Variants in HCN1 observed in about 807,000 individuals in gnomAD.
HCN1 encodes hyperpolarization activated cyclic nucleotide gated potassium channel 1.
Under a neutral mutation model 78.9 loss-of-function variants are expected in HCN1, and 13 were observed. The ratio of observed to expected loss-of-function variants is 0.16; its 90% CI spans 0.11 to 0.26. The LOEUF (loss-of-function observed/expected upper bound fraction) is 0.26. Among genes scored for constraint, HCN1 ranks in the 10% least tolerant of loss-of-function variants. The probability of loss-of-function intolerance (pLI) is 1.00; values close to 1 mark genes in which losing one functional copy is unlikely to be tolerated. For missense variants in HCN1, 810 were observed against 1,154.3 expected (o/e 0.70, Z 4.32); for synonymous variants, 552 against 455.5 (o/e 1.21, Z -2.70).
chr5:45,548,929 C>T (rs964783309), intron 2 of HCN1, among the ~76,000 whole-genome samples: 1 of 151,182 alleles, frequency 6.6e-6, no homozygotes, highest in Non-Finnish European at 1.5e-5. Flanking sequence ...CCTAGGAATC[C>T]AACTTACAAG....
chr5:45,422,801 A>G (rs1231031869), intron 3 of HCN1, among the ~76,000 whole-genome samples: 4 of 152,114 alleles, frequency 2.6e-5, no homozygotes, highest in Admixed American at 6.6e-5. Flanking sequence ...TGCAACTCAC[A>G]AAGTCATATA....
At chr5:45,503,765 C>A (rs199720228) in intron 2 of HCN1, among the ~76,000 whole-genome samples, 1 of 149,300 alleles carries the variant, frequency 6.7e-6, no homozygotes, top group African/African-American at 2.5e-5. Flanking sequence ...CCTCCCCCCA[C>A]GCCAACACAA....
chr5:45,502,999 ATAGT>A lies in HCN1; in HGVS notation c.850-40996_850-40993del, dbSNP rs571280608. 7.9e-5 allele frequency among the ~76,000 whole-genome samples: 12 copies of A among 152,332 alleles called. No homozygotes were observed. In the East Asian group the frequency reaches 2.3e-3, roughly 29 times the overall value. ...TATACATGTTATAAAATACAACACA[ATAGT>A]TAAAGTGAATAAACAAATAAATTAA... On this transcript the variant is annotated intron_variant, in intron 2 of 7. Coordinates refer to ENST00000303230, the MANE Select transcript of HCN1 (RefSeq NM_021072.4).
chr5:45,473,628 C>T (rs1741453413), intron 2 of HCN1, among the ~76,000 whole-genome samples: 1 of 151,244 alleles, frequency 6.6e-6, no homozygotes. Flanking sequence ...TAATTACCTC[C>T]TGTCTTCTTC....
intron 2 of HCN1, among the ~76,000 whole-genome samples, chr5:45,608,352 G>GGT (rs1239049493): frequency 5.1e-4 from 57 of 111,270 alleles, no homozygotes; most frequent in African/African-American, 1.3e-3. Context: ...GGGTAGGATG[G>GGT]GTGTATGTGT....
intron 3 of HCN1, among the ~76,000 whole-genome samples, chr5:45,404,629 T>C (rs1035214614): frequency 7.8e-6 from 1 of 128,258 alleles, no homozygotes; most frequent in Non-Finnish European, 1.6e-5. Flanking sequence ...TGAATGAAAA[T>C]ACTTTCTAGT....
intron 6 of HCN1, among the ~76,000 whole-genome samples, chr5:45,288,475 G>A (rs1452115689): frequency 2.6e-5 from 4 of 151,964 alleles, no homozygotes; most frequent in Admixed American, 6.6e-5. Context: ...TGTAGAAAGC[G>A]TCTGTCTTAA....
In HCN1 at chr5:45,606,218, A is replaced by G. The variant is rs1744724630; in HGVS notation, c.849+38967T>C. On this transcript the variant is annotated intron_variant, in intron 2 of 7. Coordinates refer to ENST00000303230, the MANE Select transcript of HCN1 (RefSeq NM_021072.4). ...TTGCATTAAACCTAGTGAAAAATAG[A>G]AAAAGAACAAACGATTTTTGTTTTA... Among the ~76,000 whole-genome samples, 3 of 152,040 alleles carry G rather than the reference A, an allele frequency of 2.0e-5. No individual in the cohort carries two copies. The South Asian group carries it at 6.2e-4, about 31-fold the overall frequency.
At chr5:45,424,850 C>G (rs144680792) in intron 3 of HCN1, among the ~76,000 whole-genome samples, 1 of 152,100 alleles carries the variant, frequency 6.6e-6, no homozygotes, top group Admixed American at 6.5e-5. Flanking sequence ...ATTCATTTCT[C>G]TCATACTGTG....
rs569793762 is a variant in HCN1 at position 45,339,234 on chromosome 5, T to A, written c.1377+13866A>T. Among the ~76,000 whole-genome samples the A allele has an allele frequency of 6.6e-4, 100 of 152,236 alleles. No individual in the cohort carries two copies. In the Middle Eastern group the frequency reaches 0.024, roughly 36 times the overall value. On this transcript the variant is annotated intron_variant, in intron 5 of 7. Transcript: ENST00000303230. ...ACAAGGATATTAAGCACAGCTCCTA[T>A]CCCCAAGAAGCTCATAGTCTTTAAA...
chr5:45,414,643 A>G (rs1017694708), intron 3 of HCN1, among the ~76,000 whole-genome samples: 3 of 152,044 alleles, frequency 2.0e-5, no homozygotes, highest in African/African-American at 7.2e-5. Flanking sequence ...GTTACCATTT[A>G]AATACTAAAT....
chr5:45,573,392 T>TAATA (rs1743872116), intron 2 of HCN1, among the ~76,000 whole-genome samples: 1 of 152,088 alleles, frequency 6.6e-6, no homozygotes, highest in South Asian at 2.1e-4. Context: ...ATCCCATTGC[T>TAATA]AATAGTGTCT....
intron 2 of HCN1, among the ~76,000 whole-genome samples, chr5:45,598,972 T>C (rs1278247754): frequency 6.6e-6 from 1 of 152,170 alleles, no homozygotes; most frequent in African/African-American, 2.4e-5. Context: ...GGTGGGAGTA[T>C]AAATTAGTTC....
rs1743358573 is a variant in HCN1, at chr5:45,551,065, T to C, written c.850-89058A>G. Reference sequence around the variant, plus strand: ...TAATAATTCACAAAATGACAACTCATTATCCCTATTCTTAAGGAAAACTCT... The same window carrying C: ...TAATAATTCACAAAATGACAACTCACTATCCCTATTCTTAAGGAAAACTCT... On this transcript the variant is annotated intron_variant, in intron 2 of 7. Transcript: ENST00000303230. 2.6e-5 allele frequency among the ~76,000 whole-genome samples: 4 copies of C among 152,116 alleles called. No homozygotes were observed. The South Asian group carries it at 8.3e-4, about 31-fold the overall frequency.
intron 4 of HCN1, among the ~76,000 whole-genome samples, chr5:45,380,091 C>T (rs1235873078): frequency 6.6e-6 from 1 of 151,996 alleles, no homozygotes; most frequent in Non-Finnish European, 1.5e-5. Flanking sequence ...AGAAGGGATA[C>T]TTTATAAAGA....
At chr5:45,346,285 A>G (rs183406516) in intron 5 of HCN1, among the ~76,000 whole-genome samples, 1 of 152,310 alleles carries the variant, frequency 6.6e-6, no homozygotes, top group Admixed American at 6.5e-5. Context: ...CTAAGACCAA[A>G]CCATAATTCA....
rs188809111 is a variant in HCN1 at position 45,428,667 on chromosome 5, C to A, written c.1012-31957G>T. On this transcript the variant is annotated intron_variant, in intron 3 of 7. Transcript: ENST00000303230. ...TGATTTGAACTGATTTAATATCTTT[C>A]ATTTATTATTAAATTAATGCATTGT... Among the ~76,000 whole-genome samples the A allele has an allele frequency of 2.6e-3, 400 of 152,090 alleles. 1 individual carries two copies. Among genetic ancestry groups the A allele is most frequent in the Non-Finnish European group, 4.5e-3 (308 of 67,958 alleles).
At chr5:45,363,221 C>T (rs1297614583) in intron 4 of HCN1, among the ~76,000 whole-genome samples, 4 of 148,850 alleles carry the variant, frequency 2.7e-5, no homozygotes, top group Non-Finnish European at 3.0e-5. Context: ...CCATACAACG[C>T]GTCTTTCCTT....
intron 2 of HCN1, among the ~76,000 whole-genome samples, chr5:45,527,007 C>T (rs563874282): frequency 7.3e-6 from 1 of 137,552 alleles, no homozygotes; most frequent in Admixed American, 7.3e-5. Context: ...CTTTCCTTTC[C>T]TTCCTTCTCT....
Sources: gnomAD v4.1 joint callset for allele counts (sites outside exome capture counted in the v4.1 genomes callset) on GRCh38, gnomAD v4.1.1 for gene constraint, MANE v1.5 for transcripts, NCBI Gene and HGNC (gene_info 2026-07-23, HGNC 2026-07-21) for gene names.